ZBTB20: variants seen among roughly 807,000 people sequenced by gnomAD.
ZBTB20 encodes the protein zinc finger and BTB domain-containing protein 20.
ZBTB20 carries 9 observed loss-of-function variants against 56.9 expected under a neutral mutation model. That is an observed-to-expected ratio of 0.16 (90% confidence interval 0.10 to 0.28). The LOEUF is 0.28. Among genes scored for constraint, ZBTB20 ranks in the 10% least tolerant of loss-of-function variants. ZBTB20 has a pLI of 1.00. For synonymous variants in ZBTB20, 417 were observed against 420.7 expected (o/e 0.99, Z 0.11); for missense variants, 655 against 1,003.0 (o/e 0.65, Z 4.69).
chr3:114,665,014 CA>C (rs1334737999), intron 6 of ZBTB20, among the ~76,000 whole-genome samples: 1 of 151,970 alleles, frequency 6.6e-6, no homozygotes, highest in Non-Finnish European at 1.5e-5. Flanking sequence ...CTTTTCTGAG[CA>C]AGGAAAAGCT....
intron 6 of ZBTB20, among the ~76,000 whole-genome samples, chr3:114,653,045 A>T (rs147001550): frequency 5.3e-5 from 8 of 152,052 alleles, no homozygotes; most frequent in Non-Finnish European, 1.0e-4. Flanking sequence ...ATATCCCCTA[A>T]GAGTTTCTAA....
At chr3:114,521,354 C>T (rs910792168) in intron 6 of ZBTB20, among the ~76,000 whole-genome samples, 3 of 152,102 alleles carry the variant, frequency 2.0e-5, no homozygotes, top group Admixed American at 6.6e-5. Context: ...AGAAATTTTA[C>T]GTCTATACCC....
chr3:114,607,919 C>A (rs2057291538), intron 6 of ZBTB20, among the ~76,000 whole-genome samples: 1 of 152,164 alleles, frequency 6.6e-6, no homozygotes, highest in Non-Finnish European at 1.5e-5. Flanking sequence ...TAACAATGTA[C>A]AGCTAGTATA....
At chr3:114,859,175 C>T (rs990456725) in intron 4 of ZBTB20, among the ~76,000 whole-genome samples, 3 of 151,926 alleles carry the variant, frequency 2.0e-5, no homozygotes, top group Admixed American at 1.3e-4. Context: ...CTGCTGCCTG[C>T]CTGCCCACCT....
chr3:114,638,238 CCTTCT>C (rs2059379318), intron 6 of ZBTB20, among the ~76,000 whole-genome samples: 1 of 151,990 alleles, frequency 6.6e-6, no homozygotes, highest in South Asian at 2.1e-4. Flanking sequence ...AAAAGGCAAT[CCTTCT>C]GTTTCCTCCT....
intron 10 of ZBTB20, among the ~76,000 whole-genome samples, chr3:114,354,438 G>A (rs886488864): frequency 5.9e-5 from 9 of 152,130 alleles, no homozygotes; most frequent in Admixed American, 5.2e-4. Flanking sequence ...GATAATTCTG[G>A]GAAGTAGCCC....
intron 6 of ZBTB20, among the ~76,000 whole-genome samples, chr3:114,611,236 T>C (rs1381873748): frequency 6.6e-6 from 1 of 152,156 alleles, no homozygotes; most frequent in Non-Finnish European, 1.5e-5. Flanking sequence ...GTTCTCTCTA[T>C]TTTCAGGCGG....
At chr3:114,874,973 T>C (rs567621699) in intron 4 of ZBTB20, among the ~76,000 whole-genome samples, 8 of 152,304 alleles carry the variant, frequency 5.3e-5, no homozygotes, top group African/African-American at 1.9e-4. Context: ...GTAAGCAATG[T>C]CCTGCCCAAA....
intron 5 of ZBTB20, among the ~76,000 whole-genome samples, chr3:114,772,067 C>A (rs1180787015): frequency 2.6e-5 from 4 of 152,262 alleles, no homozygotes; most frequent in African/African-American, 7.2e-5. Context: ...ATGTGAATCA[C>A]CTGTATTAAA....
intron 6 of ZBTB20, among the ~76,000 whole-genome samples, chr3:114,648,500 T>C (rs1303051874): frequency 6.6e-6 from 1 of 151,964 alleles, no homozygotes; most frequent in Non-Finnish European, 1.5e-5. Flanking sequence ...GCATCTTAAA[T>C]TTAGAAAGTG....
chr3:114,446,565 C>T (rs1487003739), intron 7 of ZBTB20, among the ~76,000 whole-genome samples: 3 of 152,106 alleles, frequency 2.0e-5, no homozygotes, highest in Non-Finnish European at 2.9e-5. Context: ...TAAAAATCAT[C>T]GAATTTATTA....
At chr3:115,120,703 C>T (rs1242851384) in intron 1 of ZBTB20, among the ~76,000 whole-genome samples, 1 of 152,030 alleles carries the variant, frequency 6.6e-6, no homozygotes, top group Admixed American at 6.5e-5. Context: ...AAATAATTGT[C>T]CAAAGTCACC....
chr3:114,832,148 C>T (rs1222270306), intron 4 of ZBTB20, among the ~76,000 whole-genome samples: 1 of 152,086 alleles, frequency 6.6e-6, no homozygotes, highest in Non-Finnish European at 1.5e-5. Context: ...TCCTACTCTG[C>T]CAAGCCAGTA....
intron 4 of ZBTB20, among the ~76,000 whole-genome samples, chr3:114,815,879 A>G (rs1249416103): frequency 6.6e-6 from 1 of 152,186 alleles, no homozygotes; most frequent in Non-Finnish European, 1.5e-5. Flanking sequence ...TCAATGCCAA[A>G]GATACATTAT....
At chr3:114,451,921 T>C (rs552481551) in intron 7 of ZBTB20, among the ~76,000 whole-genome samples, 2 of 152,250 alleles carry the variant, frequency 1.3e-5, no homozygotes, top group South Asian at 2.1e-4. Context: ...CCTGTCACTG[T>C]ACTCTTGGCG....
chr3:114,731,441 C>T (rs1310825781), intron 5 of ZBTB20, among the ~76,000 whole-genome samples: 1 of 152,058 alleles, frequency 6.6e-6, no homozygotes, highest in East Asian at 1.9e-4. Flanking sequence ...CTTTGGAATT[C>T]GATTACTTCA....
chr3:115,055,041 G>T (rs1227596471), intron 2 of ZBTB20, among the ~76,000 whole-genome samples: 1 of 151,978 alleles, frequency 6.6e-6, no homozygotes, highest in Non-Finnish European at 1.5e-5. Flanking sequence ...CATTCCAGGG[G>T]TTCCTTGAGA....
chr3:114,359,816 C>CT (rs1371290265), intron 10 of ZBTB20, among the ~76,000 whole-genome samples: 1 of 152,104 alleles, frequency 6.6e-6, no homozygotes, highest in Non-Finnish European at 1.5e-5. Flanking sequence ...TTTTGTTTTG[C>CT]TTAAGAAGCA....
At chr3:115,143,733 GA>G (rs1354828944) in intron 1 of ZBTB20, among the ~76,000 whole-genome samples, 3 of 151,864 alleles carry the variant, frequency 2.0e-5, no homozygotes, top group Non-Finnish European at 4.4e-5. Flanking sequence ...TTAAAATCAT[GA>G]AAAAAATCCC....
Sources: allele counts gnomAD v4.1 joint callset (sites outside exome capture counted in the v4.1 genomes callset), GRCh38; gene constraint gnomAD v4.1.1; transcripts MANE v1.5; gene names NCBI Gene and HGNC (gene_info 2026-07-23, HGNC 2026-07-21).